The following RASA2 variants were observed in gnomAD, a reference collection of about 807,000 sequenced individuals.
RASA2 encodes the protein RAS p21 protein activator 2, also known as ras GTPase-activating protein 2.
Under a neutral mutation model 118.2 loss-of-function variants are expected in RASA2, and 155 were observed. The observed-to-expected ratio is 1.31, with a 90% confidence interval of 1.15 to 1.50. The LOEUF (loss-of-function observed/expected upper bound fraction) is 1.50. RASA2 is among the 40% of genes most tolerant of loss of function. RASA2 has a pLI of 0.00. For missense variants in RASA2, 1,016 were observed against 1,009.6 expected (o/e 1.01, Z -0.09); for synonymous variants, 353 against 349.1 (o/e 1.01, Z -0.12).
Position 141,535,361 on chromosome 3 carries a change from A to G in RASA2, c.451-5172A>G, listed in dbSNP as rs543822143. ...ATTTCCAAGGTATGCCTGTAAAAAC[A>G]TTTTTTACCAGTTGAAACATACTGA... On this transcript the variant is annotated intron_variant, in intron 4 of 23. Transcript: ENST00000286364. Among the ~76,000 whole-genome samples the G allele has an allele frequency of 3.3e-5, 5 of 152,252 alleles. No homozygotes were observed. The South Asian group carries it at 8.3e-4, about 25-fold the overall frequency.
intron 1 of RASA2, among the ~76,000 whole-genome samples, chr3:141,510,761 GA>G (rs1177732369): frequency 6.6e-6 from 1 of 152,122 alleles, no homozygotes; most frequent in African/African-American, 2.4e-5. Flanking sequence ...GTTGATGAAT[GA>G]AAAAAACTAA....
intron 9 of RASA2, among the ~76,000 whole-genome samples, chr3:141,569,495 A>C (rs1390465288): frequency 6.6e-6 from 1 of 152,186 alleles, no homozygotes; most frequent in Admixed American, 6.5e-5. Flanking sequence ...CTAGAAAAAA[A>C]TAGGTATTTA....
intron 19 of RASA2, among the ~76,000 whole-genome samples, chr3:141,597,052 C>CT (rs2083384578): frequency 6.6e-6 from 1 of 152,142 alleles, no homozygotes; most frequent in African/African-American, 2.4e-5. Context: ...ACCTAAATGT[C>CT]TATCAGCTGG....
At chr3:141,550,308 A>G (rs2082554075) in intron 5 of RASA2, among the ~76,000 whole-genome samples, 1 of 152,246 alleles carries the variant, frequency 6.6e-6, no homozygotes, top group Non-Finnish European at 1.5e-5. Context: ...CCTCAACCTA[A>G]TCATGAGTAA....
At chr3:141,564,903 C>G (rs1245061493) in intron 9 of RASA2, among the ~76,000 whole-genome samples, 2 of 152,138 alleles carry the variant, frequency 1.3e-5, no homozygotes, top group African/African-American at 4.8e-5. Flanking sequence ...GACTATATTT[C>G]TTTTTCATAA....
At chr3:141,504,613 C>T (rs886685919) in intron 1 of RASA2, among the ~76,000 whole-genome samples, 1 of 152,152 alleles carries the variant, frequency 6.6e-6, no homozygotes, top group African/African-American at 2.4e-5. Flanking sequence ...CAAGTTTTCG[C>T]TCATTGAGAT....
At chr3:141,540,455 T>G (rs1247424963) in intron 4 of RASA2, 78 bp from the exon 5 acceptor site, 1 of 1,168,772 alleles carries the variant, frequency 8.6e-7, no homozygotes, top group Non-Finnish European at 1.3e-6. Context: ...AATACTGTGG[T>G]GATTTGAAAA....
At chr3:141,528,863 C>T (rs2082219561) in intron 3 of RASA2, among the ~76,000 whole-genome samples, 1 of 151,896 alleles carries the variant, frequency 6.6e-6, no homozygotes, top group Admixed American at 6.6e-5. Flanking sequence ...AAAATTCTTA[C>T]TTGACAAAAG....
chr3:141,539,220 A>G (rs182937651), intron 4 of RASA2, among the ~76,000 whole-genome samples: 1 of 152,324 alleles, frequency 6.6e-6, no homozygotes, highest in Admixed American at 6.5e-5. Flanking sequence ...TGAAAGACCT[A>G]GTTTACAAAT....
Position 141,612,349 on chromosome 3 carries a change from T to C in RASA2, c.*36T>C. 2.0e-6 allele frequency: 3 copies of C among 1,509,840 alleles called. No homozygotes were observed. Among genetic ancestry groups the C allele is most frequent in the Non-Finnish European group, 2.7e-6 (3 of 1,104,038 alleles). The allele number at this position is 1,509,840 out of a possible 1,614,324, so 93.5% of individuals were successfully genotyped here. On this transcript the variant is annotated 3_prime_UTR_variant, in exon 24 of 24. Coordinates refer to ENST00000286364, the MANE Select transcript of RASA2 (RefSeq NM_006506.5). ...ATTGGTTCAGAAGAACTGGAAAATATTATTTTTCTTGGAGCTTTTCAATTC... is the reference window on the plus strand; with the variant it reads ...ATTGGTTCAGAAGAACTGGAAAATACTATTTTTCTTGGAGCTTTTCAATTC...
At chr3:141,541,332 C>A (rs2082402450) in intron 5 of RASA2, among the ~76,000 whole-genome samples, 1 of 152,122 alleles carries the variant, frequency 6.6e-6, no homozygotes, top group Non-Finnish European at 1.5e-5. Context: ...CCTATTGCTG[C>A]TCCAGACTGT....
chr3:141,548,591 TTC>T (rs2082522995), intron 5 of RASA2, among the ~76,000 whole-genome samples: 2 of 152,204 alleles, frequency 1.3e-5, no homozygotes, highest in African/African-American at 4.8e-5. Flanking sequence ...ATTCATGACA[TTC>T]TCTGTTTTTT....
intron 17 of RASA2, among the ~76,000 whole-genome samples, chr3:141,584,110 A>T: frequency 6.6e-6 from 1 of 152,090 alleles, no homozygotes; most frequent in East Asian, 1.9e-4. Context: ...AGGCAGGTGG[A>T]TCACAAGATC....
intron 1 of RASA2, among the ~76,000 whole-genome samples, chr3:141,492,788 C>T (rs964472681): frequency 6.6e-6 from 1 of 152,128 alleles, no homozygotes; most frequent in Non-Finnish European, 1.5e-5. Context: ...TAGATAAGAG[C>T]GTTTGAATTC....
At chr3:141,554,015 C>T (rs373262397) in intron 6 of RASA2, 75 bp downstream of exon 6, 28 of 1,517,748 alleles carry the variant, frequency 1.8e-5, no homozygotes, top group East Asian at 9.6e-5. Flanking sequence ...TAAGATTCTA[C>T]GAGCAAATGA....
chr3:141,597,809 T>C (rs552545125), intron 19 of RASA2, among the ~76,000 whole-genome samples: 1 of 151,228 alleles, frequency 6.6e-6, no homozygotes, highest in African/African-American at 2.4e-5. Context: ...TTTAATAAAA[T>C]TGAAAAATGC....
At chr3:141,551,115 C>A (rs1221527963) in intron 5 of RASA2, among the ~76,000 whole-genome samples, 1 of 152,070 alleles carries the variant, frequency 6.6e-6, no homozygotes, top group Admixed American at 6.5e-5. Context: ...TCCTTGCATT[C>A]CTGGTTATTT....
chr3:141,612,179 G>C, intron 23 of RASA2, 104 bp from the exon 24 acceptor site: 1 of 857,304 alleles, frequency 1.2e-6, no homozygotes, highest in Non-Finnish European at 1.8e-6. Flanking sequence ...TGGCATGAGA[G>C]ATTATCCAGG....
intron 19 of RASA2, among the ~76,000 whole-genome samples, chr3:141,601,378 T>G (rs918410827): frequency 1.3e-5 from 2 of 151,812 alleles, no homozygotes; most frequent in African/African-American, 2.4e-5. Flanking sequence ...GAAGTTGCTG[T>G]GAGCCGAGAT....
Sources: gnomAD v4.1 joint callset for allele counts (sites outside exome capture counted in the v4.1 genomes callset) on GRCh38, gnomAD v4.1.1 for gene constraint, MANE v1.5 for transcripts, NCBI Gene and HGNC (gene_info 2026-07-23, HGNC 2026-07-21) for gene names.